Variants in SUMF1 observed in about 807,000 individuals in gnomAD.
SUMF1 encodes the protein sulfatase modifying factor 1.
A neutral mutation model predicts 47.6 loss-of-function variants in SUMF1; 48 were observed. The ratio of observed to expected loss-of-function variants is 1.01; its 90% confidence interval spans 0.80 to 1.28. SUMF1 has a LOEUF of 1.28. Ranked by LOEUF, SUMF1 falls within the 50% of genes most tolerant of loss-of-function variation. SUMF1 has a pLI of 0.00. For synonymous variants in SUMF1, 230 were observed against 192.1 expected (o/e 1.20, Z -1.63); for missense variants, 571 against 485.4 (o/e 1.18, Z -1.66).
chr3:4,155,647 C>T (rs1033235844), intron 8 of SUMF1, among the ~76,000 whole-genome samples: 1 of 151,468 alleles, frequency 6.6e-6, no homozygotes, highest in African/African-American at 2.4e-5. Context: ...TTAAACCTGG[C>T]TCCTAGCCTT....
rs114738536 is a variant in SUMF1 at position 4,343,472 on chromosome 3, T to A, written c.1014+32858A>T. Among the ~76,000 whole-genome samples the A allele has an allele frequency of 4.8e-3, 731 of 152,304 alleles. 7 individuals are homozygous for A. Among genetic ancestry groups the A allele is most frequent in the African/African-American group, 0.017 (705 of 41,548 alleles). ...CTTTTGCAGACTGGAGTCATTTGCA[T>A]CTACAGTTGGACCAATTAGCATACC... On this transcript the variant is annotated intron_variant and NMD_transcript_variant, in intron 8 of 12. Coordinates refer to the SUMF1 transcript ENST00000448413.
At chr3:4,101,947 G>C (rs73129175) in intron 8 of SUMF1, among the ~76,000 whole-genome samples, 17,543 of 152,130 alleles carry the variant, frequency 0.12, 2,029 homozygotes, top group African/African-American at 0.28. Flanking sequence ...GAAGGCACCT[G>C]TTCACAGAGT....
At chr3:4,170,839 G>A (rs1694817930) in intron 8 of SUMF1, among the ~76,000 whole-genome samples, 1 of 152,060 alleles carries the variant, frequency 6.6e-6, no homozygotes, top group Non-Finnish European at 1.5e-5. Context: ...GTACAAAAAG[G>A]AGAATAGCCA....
downstream of SUMF1, among the ~76,000 whole-genome samples, chr3:4,356,393 G>A (rs1175258063): frequency 2.6e-5 from 4 of 152,072 alleles, no homozygotes; most frequent in South Asian, 2.1e-4. Flanking sequence ...GATCACCGAT[G>A]GCTGTTAAAT....
chr3:4,224,067 G>T (rs979507935), intron 8 of SUMF1, among the ~76,000 whole-genome samples: 2 of 152,104 alleles, frequency 1.3e-5, no homozygotes, highest in African/African-American at 4.8e-5. Context: ...GCCGGGGGTG[G>T]AGTGTGATGA....
chr3:4,101,984 G>A lies in SUMF1; in HGVS notation c.1015-33239C>T, dbSNP rs550488208. ...GCAGAAGAGCGAATGAATGAGTGCT[G>A]AGCAAAAGGGGAAGCCCCGTAAAAA... On this transcript the variant is annotated intron_variant and NMD_transcript_variant, in intron 8 of 12. Transcript: ENST00000448413. 2.6e-5 allele frequency among the ~76,000 whole-genome samples: 4 copies of A among 152,220 alleles called. No individual in the cohort carries two copies. The South Asian group carries it at 8.3e-4, about 32-fold the overall frequency.
At chr3:4,289,705 A>G (rs1697703354) in intron 8 of SUMF1, among the ~76,000 whole-genome samples, 1 of 152,122 alleles carries the variant, frequency 6.6e-6, no homozygotes, top group South Asian at 2.1e-4. Context: ...CTTTGTTGCT[A>G]TCATCCAGAA....
intron 8 of SUMF1, among the ~76,000 whole-genome samples, chr3:4,185,137 T>C (rs577043769): frequency 6.6e-6 from 1 of 152,340 alleles, no homozygotes; most frequent in South Asian, 2.1e-4. Context: ...CATCTTCTCA[T>C]GTCTATGAAT....
In SUMF1 at chr3:4,342,525, T is replaced by G. The variant is rs565514576; in HGVS notation, c.1014+33805A>C. Among the ~76,000 whole-genome samples the G allele has an allele frequency of 7.9e-5, 12 of 152,296 alleles. No individual in the cohort carries two copies. In the South Asian group the frequency reaches 2.3e-3, roughly 29 times the overall value. Reference sequence around the variant, plus strand: ...TCCAGCCTGGGCAACAGAGTGAGACTCTGTCTCAAAAAATATATAATAACA... The same window carrying G: ...TCCAGCCTGGGCAACAGAGTGAGACGCTGTCTCAAAAAATATATAATAACA... On this transcript the variant is annotated intron_variant and NMD_transcript_variant, in intron 8 of 12. Coordinates refer to the SUMF1 transcript ENST00000448413.
At chr3:4,411,620 G>C (rs949735113) in intron 6 of SUMF1, among the ~76,000 whole-genome samples, 92 of 151,452 alleles carry the variant, frequency 6.1e-4, no homozygotes, top group African/African-American at 2.1e-3. Context: ...ACATTTCAAA[G>C]GCAGGTCAGA....
At chr3:4,061,405 C>T (rs1025772147) in intron 9 of SUMF1, among the ~76,000 whole-genome samples, 9 of 152,126 alleles carry the variant, frequency 5.9e-5, no homozygotes, top group Admixed American at 3.3e-4. Flanking sequence ...CTAACTGACT[C>T]CCTGCTTCCT....
At chr3:4,120,709 A>G (rs1270865327) in intron 8 of SUMF1, among the ~76,000 whole-genome samples, 1 of 152,116 alleles carries the variant, frequency 6.6e-6, no homozygotes, top group Non-Finnish European at 1.5e-5. Context: ...AAAGTGACTT[A>G]CGAGGTCACT....
At position 4,361,194 on chromosome 3, in the gene SUMF1, T is replaced by A. The variant is rs1183116886; in HGVS notation, c.*950A>T. 1 of 152,464 alleles carries A rather than the reference T, an allele frequency of 6.6e-6. No individual in the cohort carries two copies. Among genetic ancestry groups the A allele is most frequent in the Non-Finnish European group, 1.5e-5 (1 of 68,042 alleles). The allele number at this position is 152,464 out of a possible 1,614,324, so 9.4% of individuals were successfully genotyped here. ...TCAACACAGTGCATGATTCAAAGCA[T>A]CGGATATTCCACAGCCAACAAGGTT... On this transcript the variant is annotated 3_prime_UTR_variant, in exon 9 of 9. Coordinates refer to ENST00000272902, the MANE Select transcript of SUMF1 (RefSeq NM_182760.4).
intron 8 of SUMF1, among the ~76,000 whole-genome samples, chr3:4,083,203 G>C (rs979825191): frequency 1.3e-5 from 2 of 152,170 alleles, no homozygotes; most frequent in Non-Finnish European, 1.5e-5. Context: ...AAACTGACTT[G>C]TTAATATTGT....
At chr3:4,343,754 C>A (rs550647803) in intron 8 of SUMF1, among the ~76,000 whole-genome samples, 38 of 152,342 alleles carry the variant, frequency 2.5e-4, no homozygotes, top group Non-Finnish European at 4.9e-4. Flanking sequence ...CAATATCCAA[C>A]ACAATTTGAA....
At chr3:4,457,388 G>GA (rs377679931) in intron 1 of SUMF1, among the ~76,000 whole-genome samples, 27 of 150,622 alleles carry the variant, frequency 1.8e-4, no homozygotes, top group African/African-American at 2.7e-4. Context: ...CAAGGAAATA[G>GA]AAAAAAAAAT....
chr3:4,453,772 G>A (rs533621907), intron 1 of SUMF1, among the ~76,000 whole-genome samples: 1 of 152,120 alleles, frequency 6.6e-6, no homozygotes, highest in African/African-American at 2.4e-5. Context: ...GACCTCAGGT[G>A]ATCCACCCGC....
At chr3:4,076,263 G>T (rs1338699972) in intron 8 of SUMF1, among the ~76,000 whole-genome samples, 1 of 152,124 alleles carries the variant, frequency 6.6e-6, no homozygotes, top group Non-Finnish European at 1.5e-5. Context: ...TTAATAAATG[G>T]TGCTGGTGGG....
In SUMF1 at chr3:4,335,577, G is replaced by A. The variant is rs952494004; in HGVS notation, c.1014+40753C>T. ...TAACCTCATCTCAACTGAAAATTTGGGCGAGGTCAGGGACCTCTGAAGGGA... is the reference window on the plus strand; with the variant it reads ...TAACCTCATCTCAACTGAAAATTTGAGCGAGGTCAGGGACCTCTGAAGGGA... On this transcript the variant is annotated intron_variant and NMD_transcript_variant, in intron 8 of 12. Transcript: ENST00000448413. Among the ~76,000 whole-genome samples, 10 of 152,070 alleles carry A rather than the reference G, an allele frequency of 6.6e-5. No individual in the cohort carries two copies. The Middle Eastern group carries it at 9.5e-3, about 144-fold the overall frequency.
Sources: allele counts gnomAD v4.1 joint callset (sites outside exome capture counted in the v4.1 genomes callset), GRCh38; gene constraint gnomAD v4.1.1; transcripts MANE v1.5; gene names NCBI Gene and HGNC (gene_info 2026-07-23, HGNC 2026-07-21).